Variants in TTC23 observed in about 807,000 individuals in gnomAD.
TTC23 encodes tetratricopeptide repeat domain 23, also known as tetratricopeptide repeat protein 23.
TTC23 carries 58 observed loss-of-function variants against 55.1 expected under a neutral mutation model. That is an observed-to-expected ratio of 1.05 (90% CI 0.85 to 1.31). TTC23 has a LOEUF of 1.31. Ranked by LOEUF, TTC23 falls within the 50% of genes most tolerant of loss-of-function variation. The probability of loss-of-function intolerance (pLI) is 0.00; values close to 1 mark genes in which losing one functional copy is unlikely to be tolerated. For missense variants in TTC23, 516 were observed against 534.4 expected (o/e 0.97, Z 0.34); for synonymous variants, 203 against 199.9 (o/e 1.02, Z -0.13).
chr15:99,160,495 G>T (rs2071212692), intron 11 of TTC23: 1 of 152,120 alleles, frequency 6.6e-6, no homozygotes, highest in African/African-American at 2.4e-5. Context: ...AAGCAATCTA[G>T]AGATGATATA....
chr15:99,224,219 G>A (rs551432282), intron 5 of TTC23, among the ~76,000 whole-genome samples: 9 of 152,104 alleles, frequency 5.9e-5, no homozygotes, highest in African/African-American at 1.2e-4. Flanking sequence ...CTACAGTAAC[G>A]TTTCTTACTA....
At chr15:99,235,359 T>A in intron 3 of TTC23, among the ~76,000 whole-genome samples, 1 of 8,554 alleles carries the variant, frequency 1.2e-4, no homozygotes, top group East Asian at 3.8e-3. Context: ...TTTTAAGCAT[T>A]TTTTTTTTTT....
chr15:99,243,823 G>A (rs571817538), intron 2 of TTC23, among the ~76,000 whole-genome samples: 1 of 152,166 alleles, frequency 6.6e-6, no homozygotes, highest in South Asian at 2.1e-4. Context: ...CAGAAGCTGG[G>A]AAGGGTATTG....
At chr15:99,191,994 C>T (rs6598225) in intron 9 of TTC23, among the ~76,000 whole-genome samples, 126,622 of 152,164 alleles carry the variant, frequency 0.83, 53,171 homozygotes, top group African/African-American at 0.95. Context: ...ATTCTTGTTA[C>T]GTTTTAGCAA....
intron 8 of TTC23, among the ~76,000 whole-genome samples, chr15:99,212,129 G>A (rs182606469): frequency 1.1e-4 from 17 of 152,274 alleles, no homozygotes; most frequent in African/African-American, 3.1e-4. Context: ...CAAAGTGTTC[G>A]CTGGACATGC....
At chr15:99,220,199 T>C (rs376460870) in intron 6 of TTC23, among the ~76,000 whole-genome samples, 4 of 152,218 alleles carry the variant, frequency 2.6e-5, no homozygotes, top group East Asian at 1.9e-4. Context: ...TTATAAAACG[T>C]TGGCCTCAGC....
chr15:99,190,189 G>A (rs887296884), intron 9 of TTC23, among the ~76,000 whole-genome samples: 3 of 149,372 alleles, frequency 2.0e-5, no homozygotes, highest in Non-Finnish European at 4.5e-5. Flanking sequence ...AAAAAAGAAA[G>A]AAAGAAAGAA....
Position 99,248,649 on chromosome 15 carries a change from A to G in TTC23, c.-431+522T>C, listed in dbSNP as rs373149998. 6.6e-5 allele frequency among the ~76,000 whole-genome samples: 10 copies of G among 152,312 alleles called. No homozygotes were observed. The South Asian group carries it at 1.2e-3, about 19-fold the overall frequency. ...GTCATCCGGGCATTAAGAACTGTTC[A>G]GAAGTTTTAGTTTAAATGTTCTGAG... On this transcript the variant is annotated intron_variant, in intron 1 of 13. Coordinates refer to ENST00000394132, the MANE Select transcript of TTC23 (RefSeq NM_001288615.3).
In TTC23 at chr15:99,137,891, G is replaced by C. The variant is rs2067715642; in HGVS notation, c.*119C>G. 6.6e-7 allele frequency: 1 copy of C among 1,504,114 alleles called. No homozygotes were observed. The highest frequency in any genetic ancestry group is 9.0e-7 in the Non-Finnish European group (1 of 1,111,868). 93.2% of individuals were successfully genotyped at this position (1,504,114 alleles called of 1,614,324 possible). On this transcript the variant is annotated 3_prime_UTR_variant, in exon 14 of 14. Coordinates refer to ENST00000394132, the MANE Select transcript of TTC23 (RefSeq NM_001288615.3). Reference sequence around the variant, plus strand: ...TCACTGTTGCATGTTGGGGCCAACAGTTGGCCTTGGAAATCTGTATCCTGA... The same window carrying C: ...TCACTGTTGCATGTTGGGGCCAACACTTGGCCTTGGAAATCTGTATCCTGA...
chr15:99,200,694 C>T (rs913320068), intron 8 of TTC23, among the ~76,000 whole-genome samples: 1 of 152,162 alleles, frequency 6.6e-6, no homozygotes. Context: ...CACATACACA[C>T]ATACAATTTT....
upstream of TTC23, among the ~76,000 whole-genome samples, chr15:99,250,117 T>C (rs1019427331): frequency 6.6e-6 from 1 of 152,216 alleles, no homozygotes; most frequent in Non-Finnish European, 1.5e-5. Context: ...GTCTTATTAT[T>C]TGGGCTGACC....
intron 5 of TTC23, among the ~76,000 whole-genome samples, chr15:99,226,797 C>T (rs1379627009): frequency 6.6e-6 from 1 of 152,160 alleles, no homozygotes; most frequent in Non-Finnish European, 1.5e-5. Context: ...GGAGGCCCTC[C>T]CTGATCACCC....
At chr15:99,201,398 C>T (rs73463375) in intron 8 of TTC23, among the ~76,000 whole-genome samples, 2,211 of 152,174 alleles carry the variant, frequency 0.015, 52 homozygotes, top group African/African-American at 0.051. Flanking sequence ...CCTATGTTGC[C>T]CTCCACTCCA....
At chr15:99,169,166 C>T (rs969757157) in intron 10 of TTC23, among the ~76,000 whole-genome samples, 1 of 152,178 alleles carries the variant, frequency 6.6e-6, no homozygotes, top group Non-Finnish European at 1.5e-5. Context: ...ATGGATGCCA[C>T]ATGTGCTGCT....
intron 10 of TTC23, among the ~76,000 whole-genome samples, chr15:99,170,968 A>G (rs569925050): frequency 1.3e-5 from 2 of 152,172 alleles, no homozygotes; most frequent in Non-Finnish European, 2.9e-5. Flanking sequence ...TTTTTAAACT[A>G]TGTTCATGGG....
chr15:99,249,635 A>C (rs553880250), upstream of TTC23: 1 of 152,322 alleles, frequency 6.6e-6, no homozygotes, highest in Non-Finnish European at 1.5e-5. Flanking sequence ...TAGCGAGTGG[A>C]GAAGAGTATT....
intron 5 of TTC23, among the ~76,000 whole-genome samples, chr15:99,224,217 A>G (rs1044182329): frequency 2.0e-5 from 3 of 152,206 alleles, no homozygotes; most frequent in African/African-American, 7.2e-5. Flanking sequence ...TTCTACAGTA[A>G]CGTTTCTTAC....
chr15:99,233,227 A>G (rs1436302780), intron 4 of TTC23, among the ~76,000 whole-genome samples: 1 of 152,232 alleles, frequency 6.6e-6, no homozygotes, highest in Non-Finnish European at 1.5e-5. Context: ...CAAGTGTTCT[A>G]ATCACAAAAA....
chr15:99,245,735 A>G (rs1413503818), intron 1 of TTC23, among the ~76,000 whole-genome samples: 1 of 152,176 alleles, frequency 6.6e-6, no homozygotes, highest in Admixed American at 6.5e-5. Flanking sequence ...CATATACAAA[A>G]ATTAACTCCA....
Sources: allele counts gnomAD v4.1 joint callset (sites outside exome capture counted in the v4.1 genomes callset), GRCh38; gene constraint gnomAD v4.1.1; transcripts MANE v1.5; gene names NCBI Gene and HGNC (gene_info 2026-07-23, HGNC 2026-07-21).